Variants in BCAS3 observed in about 807,000 individuals in gnomAD.
BCAS3 encodes BCAS4/BCAS3 fusion.
In BCAS3, 53 loss-of-function variants were observed where a neutral mutation model predicts 116.1. The ratio of observed to expected loss-of-function variants is 0.46; its 90% confidence interval spans 0.37 to 0.57. The LOEUF is 0.57. BCAS3 is among the 20% of genes least tolerant of loss of function. BCAS3 has a pLI of 0.00. For synonymous variants in BCAS3, 391 were observed against 408.2 expected (o/e 0.96, Z 0.51); for missense variants, 917 against 1,165.4 (o/e 0.79, Z 3.10).
chr17:60,745,906 CTT>C (rs952656009), intron 5 of BCAS3, among the ~76,000 whole-genome samples: 6 of 152,060 alleles, frequency 3.9e-5, no homozygotes, highest in Non-Finnish European at 7.4e-5. Flanking sequence ...GTTTGCAGCT[CTT>C]AAATTCAGAT....
chr17:60,992,230 ACT>A (rs60475294), intron 15 of BCAS3, among the ~76,000 whole-genome samples: 2 of 147,208 alleles, frequency 1.4e-5, no homozygotes, highest in Admixed American at 1.4e-4. Flanking sequence ...ACACACACAC[ACT>A]CTGTAGGAAG....
chr17:60,966,208 A>C (rs565732470), intron 14 of BCAS3, among the ~76,000 whole-genome samples: 2 of 152,134 alleles, frequency 1.3e-5, no homozygotes, highest in South Asian at 4.1e-4. Context: ...CTTTCAGTCT[A>C]TGTGTGTCTT....
intron 7 of BCAS3, among the ~76,000 whole-genome samples, chr17:60,817,419 A>G (rs1477745656): frequency 6.6e-6 from 1 of 152,252 alleles, no homozygotes; most frequent in Non-Finnish European, 1.5e-5. Flanking sequence ...AATGAGTAAC[A>G]TTATTCAAGA....
intron 3 of BCAS3, 117 bp downstream of exon 3, chr17:60,684,153 A>C (rs1346900558): frequency 3.4e-6 from 3 of 891,134 alleles, no homozygotes; most frequent in Non-Finnish European, 5.4e-6. Flanking sequence ...ATGTTTTAGC[A>C]TCCTGAGCAT....
chr17:60,735,170 G>A (rs752531479), intron 5 of BCAS3, among the ~76,000 whole-genome samples: 2 of 151,984 alleles, frequency 1.3e-5, no homozygotes, highest in African/African-American at 2.4e-5. Context: ...TATTAACCTT[G>A]TATCCTGCAA....
At chr17:60,977,282 C>T (rs929196369) in intron 14 of BCAS3, among the ~76,000 whole-genome samples, 10 of 152,130 alleles carry the variant, frequency 6.6e-5, no homozygotes, top group Admixed American at 6.5e-5. Context: ...TGGGCACCAG[C>T]GATCCTCCCA....
At chr17:61,304,807 G>A (rs2053718533) in intron 22 of BCAS3, among the ~76,000 whole-genome samples, 1 of 150,940 alleles carries the variant, frequency 6.6e-6, no homozygotes, top group Admixed American at 6.6e-5. Flanking sequence ...AGGTTGGAGT[G>A]CAATGACACA....
chr17:61,375,958 GTTGA>G (rs2059318313), intron 23 of BCAS3, among the ~76,000 whole-genome samples: 1 of 152,226 alleles, frequency 6.6e-6, no homozygotes, highest in African/African-American at 2.4e-5. Flanking sequence ...ACAGAAAGTA[GTTGA>G]CCACATTTGA....
intron 10 of BCAS3, among the ~76,000 whole-genome samples, chr17:60,895,722 GT>G (rs2057464553): frequency 6.6e-6 from 1 of 152,120 alleles, no homozygotes; most frequent in East Asian, 1.9e-4. Context: ...GTATTCCACA[GT>G]TTTGGTATGT....
At chr17:60,861,808 T>C (rs2054182366) in intron 7 of BCAS3, among the ~76,000 whole-genome samples, 1 of 152,252 alleles carries the variant, frequency 6.6e-6, no homozygotes, top group South Asian at 2.1e-4. Context: ...TTGAATATGT[T>C]GAACCAAACT....
In BCAS3 at chr17:60,784,297, A is replaced by ATTTTT. The variant is rs777660468; in HGVS notation, c.404-23688_404-23684dup. Among the ~76,000 whole-genome samples, 11 of 114,840 alleles carry ATTTTT rather than the reference A, an allele frequency of 9.6e-5. 1 individual carries two copies. Among genetic ancestry groups the ATTTTT allele is most frequent in the Non-Finnish European group, 1.4e-4 (8 of 57,446 alleles). The allele number at this position is 114,840 out of a possible 152,430, so 75.3% of individuals were successfully genotyped here. On this transcript the variant is annotated intron_variant, in intron 6 of 23. Coordinates refer to ENST00000407086, the MANE Select transcript of BCAS3 (RefSeq NM_017679.5). ...TGTTCTTTCTAAAAAAATGAAACAA[A>ATTTTT]TTTTTTTTTTTTTTTTTTTTTTTGA... is the stretch of plus-strand genomic sequence containing the variant.
At chr17:60,810,312 C>A in intron 7 of BCAS3, 1 of 449,828 alleles carries the variant, frequency 2.2e-6, no homozygotes. Context: ...TCTCCGTGTC[C>A]CACTCCACCA....
chr17:60,772,408 A>AT (rs953751951), intron 6 of BCAS3, among the ~76,000 whole-genome samples: 12 of 151,706 alleles, frequency 7.9e-5, no homozygotes, highest in South Asian at 4.2e-4. Flanking sequence ...GGGTTGTTTG[A>AT]TTTTTTCTTG....
intron 5 of BCAS3, among the ~76,000 whole-genome samples, chr17:60,743,495 C>G (rs1598412563): frequency 6.7e-6 from 1 of 149,758 alleles, no homozygotes; most frequent in East Asian, 2.0e-4. Context: ...TTTGTTACCT[C>G]TTGATAAAGT....
chr17:61,001,637 A>G (rs1009421798), intron 15 of BCAS3, among the ~76,000 whole-genome samples: 1 of 152,176 alleles, frequency 6.6e-6, no homozygotes, highest in Admixed American at 6.5e-5. Flanking sequence ...TATAAATAGT[A>G]TAAACATGTT....
chr17:60,743,393 A>G (rs568059923), intron 5 of BCAS3, among the ~76,000 whole-genome samples: 2 of 152,072 alleles, frequency 1.3e-5, no homozygotes, highest in Non-Finnish European at 2.9e-5. Context: ...TATCCATAAT[A>G]TTCTGTTTCT....
In BCAS3 at chr17:61,118,357, C is replaced by T. The variant is rs540128761; in HGVS notation, c.2425+33793C>T. ...TCAAAGTCCAAAAAGGGATTCTCCC[C>T]TAGACCTCTTTCATAAGCACCCCAG... is the stretch of plus-strand genomic sequence containing the variant. On this transcript the variant is annotated intron_variant, in intron 22 of 23. Coordinates refer to ENST00000407086, the MANE Select transcript of BCAS3 (RefSeq NM_017679.5). The surrounding 1 kb of genome is among the most constrained non-coding windows in gnomAD (Gnocchi z 5.0). Among the ~76,000 whole-genome samples the T allele has an allele frequency of 6.6e-6, 1 of 152,314 alleles. No homozygotes were observed. Among genetic ancestry groups the T allele is most frequent in the East Asian group, 1.9e-4 (1 of 5,178 alleles).
At chr17:60,736,887 T>TCCCC (rs2041026235) in intron 5 of BCAS3, among the ~76,000 whole-genome samples, 1 of 82,564 alleles carries the variant, frequency 1.2e-5, no homozygotes, top group African/African-American at 4.5e-5. Flanking sequence ...CTTCCCTCCC[T>TCCCC]CCCTCCCTCC....
intron 14 of BCAS3, among the ~76,000 whole-genome samples, chr17:60,955,497 C>T (rs2061082304): frequency 6.6e-6 from 1 of 151,278 alleles, no homozygotes; most frequent in South Asian, 2.1e-4. Flanking sequence ...AAGCGATTCT[C>T]CTGCCTCAGC....
Sources: gnomAD v4.1 joint callset for allele counts (sites outside exome capture counted in the v4.1 genomes callset) on GRCh38, gnomAD v4.1.1 for gene constraint, Gnocchi (gnomAD v3.1) non-coding constraint, MANE v1.5 for transcripts, NCBI Gene and HGNC (gene_info 2026-07-23, HGNC 2026-07-21) for gene names.